TENM1: variants seen among roughly 807,000 people sequenced by gnomAD.
TENM1 encodes the protein teneurin transmembrane protein 1.
Under a neutral mutation model 174.8 loss-of-function variants are expected in TENM1, and 35 were observed. The ratio of observed to expected loss-of-function variants is 0.20; its 90% confidence interval spans 0.15 to 0.27. TENM1 has a LOEUF of 0.27. TENM1 is among the 10% of genes least tolerant of loss of function. TENM1 has a pLI of 1.00. For missense variants in TENM1, 1,633 were observed against 2,130.1 expected, an observed-to-expected ratio of 0.77 and a Z score of 4.59; for synonymous variants, 781 against 798.7, an observed-to-expected ratio of 0.98 and a Z score of 0.37.
At chrX:124,975,674 T>C in the TENM1 span, among the ~76,000 whole-genome samples, 3 of 111,938 alleles carry the variant, frequency 2.7e-5, no homozygotes, top group Admixed American at 2.9e-4. Flanking sequence ...TTTTCAATTA[T>C]GCTAAAGACT....
the TENM1 span, among the ~76,000 whole-genome samples, chrX:125,051,032 C>T: frequency 1.8e-5 from 2 of 111,640 alleles, no homozygotes; most frequent in Admixed American, 1.9e-4. Context: ...GCAAAAATCA[C>T]AAGCATTCTT....
chrX:124,981,417 C>G, the TENM1 span, among the ~76,000 whole-genome samples: 1 of 111,614 alleles, frequency 9.0e-6, no homozygotes, highest in Non-Finnish European at 1.9e-5. Flanking sequence ...TAACTGCACC[C>G]GAGAGCCATG....
chrX:124,404,864 T>C (rs1043350147), intron 27 of TENM1, among the ~76,000 whole-genome samples, 167 bp downstream of exon 30: 3 of 111,727 alleles, frequency 2.7e-5, no homozygotes, highest in African/African-American at 9.8e-5. Context: ...ATTAGCATCC[T>C]CTTTTGAATT....
chrX:124,978,520 T>A, the TENM1 span, among the ~76,000 whole-genome samples: 3 of 112,281 alleles, frequency 2.7e-5, no homozygotes, highest in South Asian at 1.1e-3. Context: ...ATTTTGTCCA[T>A]TAGTTTCTTT....
At chrX:124,971,890 T>C in the TENM1 span, among the ~76,000 whole-genome samples, 1 of 112,100 alleles carries the variant, frequency 8.9e-6, no homozygotes, top group Admixed American at 9.5e-5. Flanking sequence ...TTATTAACTG[T>C]CTATTTATGG....
intron 23 of TENM1, among the ~76,000 whole-genome samples, chrX:124,452,781 T>C (rs1444897998): frequency 2.0e-5 from 2 of 99,740 alleles, no homozygotes; most frequent in African/African-American, 3.8e-5. Context: ...AAACCAAACA[T>C]CGCATGTTCT....
intron 14 of TENM1, among the ~76,000 whole-genome samples, chrX:124,551,785 A>G (rs1178790200): frequency 8.9e-6 from 1 of 112,311 alleles, no homozygotes; most frequent in Admixed American, 9.5e-5. Context: ...AGCACTTGAT[A>G]AATGTTAGCT....
chrX:124,774,189 T>C (rs1415503509), intron 3 of TENM1, among the ~76,000 whole-genome samples: 2 of 111,892 alleles, frequency 1.8e-5, no homozygotes, highest in Non-Finnish European at 3.8e-5. Context: ...AGAGATCATA[T>C]AGACTTAAAA....
chrX:125,100,719 A>T, the TENM1 span, among the ~76,000 whole-genome samples: 1 of 111,966 alleles, frequency 8.9e-6, no homozygotes, highest in East Asian at 2.8e-4. Context: ...GTTTTGAGTG[A>T]ATATGTTGAG....
the TENM1 span, among the ~76,000 whole-genome samples, chrX:125,110,249 G>T: frequency 9.0e-6 from 1 of 111,374 alleles, no homozygotes; most frequent in South Asian, 3.8e-4. Context: ...GGTCATAAAT[G>T]TATGAGCTAG....
At chrX:124,615,581 C>T (rs1345663129) in intron 11 of TENM1, among the ~76,000 whole-genome samples, 1 of 112,091 alleles carries the variant, frequency 8.9e-6, no homozygotes, top group African/African-American at 3.2e-5. Context: ...CAAAAAGTAA[C>T]AATTTATCCA....
chrX:125,124,459 C>T, the TENM1 span, among the ~76,000 whole-genome samples: 3 of 111,678 alleles, frequency 2.7e-5, no homozygotes, highest in African/African-American at 9.8e-5. Context: ...GACTTTTCCA[C>T]TGTTTAAAAA....
chrX:125,051,509 G>A, the TENM1 span, among the ~76,000 whole-genome samples: 7 of 110,712 alleles, frequency 6.3e-5, no homozygotes, highest in Non-Finnish European at 1.3e-4. Context: ...TAGACCAATG[G>A]AACAGAACAG....
intron 15 of TENM1, among the ~76,000 whole-genome samples, chrX:124,546,122 G>C (rs187895532): frequency 8.9e-6 from 1 of 111,747 alleles, no homozygotes; most frequent in East Asian, 2.8e-4. Context: ...ATGTAGACAG[G>C]AGTTCCTGGA....
the TENM1 span, among the ~76,000 whole-genome samples, chrX:125,009,395 A>G: frequency 1.8e-5 from 2 of 111,801 alleles, no homozygotes; most frequent in South Asian, 7.4e-4. Flanking sequence ...AGTAATTAAT[A>G]GCCTGTCAAT....
rs192214259 is a variant in TENM1, at chrX:124,698,190, C to T, written c.1015+6823G>A. On this transcript the variant is annotated intron_variant, in intron 5 of 31. Transcript: ENST00000422452. The stretch of plus-strand genomic sequence containing the variant: ...TACTCCTTTTTCCTTCCTACTCCTA[C>T]GATTTTGGTGTCCTCAACGGTAGTT... Among the ~76,000 whole-genome samples the T allele has an allele frequency of 1.4e-3, 159 of 110,838 alleles. 2 individuals carry two copies. The highest frequency in any genetic ancestry group is 5.0e-3 in the African/African-American group (154 of 30,553).
chrX:124,850,340 T>A (rs1411186095), intron 3 of TENM1, among the ~76,000 whole-genome samples: 1 of 111,648 alleles, frequency 9.0e-6, no homozygotes, highest in Non-Finnish European at 1.9e-5. Flanking sequence ...CTTTATATAT[T>A]CTGCCATTCA....
chrX:125,024,289 A>G, the TENM1 span, among the ~76,000 whole-genome samples: 1 of 110,352 alleles, frequency 9.1e-6, no homozygotes, highest in Non-Finnish European at 1.9e-5. Flanking sequence ...AGCACTATTC[A>G]CAATAGCAAA....
intron 23 of TENM1, among the ~76,000 whole-genome samples, chrX:124,424,917 C>T (rs1184779120): frequency 9.0e-6 from 1 of 111,183 alleles, no homozygotes; most frequent in East Asian, 2.8e-4. Context: ...CAAGCAGATG[C>T]CAGAATCATG....
Sources: allele counts gnomAD v4.1 joint callset (sites outside exome capture counted in the v4.1 genomes callset), GRCh38; gene constraint gnomAD v4.1.1; transcripts MANE v1.5; gene names NCBI Gene and HGNC (gene_info 2026-07-23, HGNC 2026-07-21).